The following NRG3 variants were observed in gnomAD, a reference collection of about 807,000 sequenced individuals.
NRG3 encodes pro-neuregulin-3, membrane-bound isoform.
In NRG3, 31 loss-of-function variants were observed where a neutral mutation model predicts 66.9. The observed-to-expected ratio is 0.46, with a 90% CI of 0.35 to 0.63. NRG3 has a LOEUF of 0.63. Among genes scored for constraint, NRG3 ranks in the 20% least tolerant of loss-of-function variants. The probability of loss-of-function intolerance (pLI) is 0.00; values close to 1 mark genes in which losing one functional copy is unlikely to be tolerated. For synonymous variants in NRG3, 393 were observed against 359.4 expected, an observed-to-expected ratio of 1.09 and a Z score of -1.06; for missense variants, 910 against 878.9, an observed-to-expected ratio of 1.04 and a Z score of -0.45.
At chr10:82,948,673 C>A (rs1849248909) in intron 4 of NRG3, among the ~76,000 whole-genome samples, 1 of 151,964 alleles carries the variant, frequency 6.6e-6, no homozygotes. Context: ...TGCTTTGATG[C>A]TATTGTAAAT....
intron 2 of NRG3, among the ~76,000 whole-genome samples, chr10:82,393,483 A>G (rs1564872660): frequency 2.0e-5 from 3 of 152,212 alleles, no homozygotes; most frequent in Non-Finnish European, 4.4e-5. Context: ...TGGAAAGAGA[A>G]CAACAGAAGT....
intron 1 of NRG3, among the ~76,000 whole-genome samples, chr10:82,186,277 G>A (rs1791544291): frequency 6.6e-6 from 1 of 152,078 alleles, no homozygotes; most frequent in Non-Finnish European, 1.5e-5. Context: ...AGGAATCCAG[G>A]GGAAATCATA....
intron 2 of NRG3, among the ~76,000 whole-genome samples, chr10:82,546,795 G>A (rs554555705): frequency 6.6e-6 from 1 of 152,210 alleles, no homozygotes; most frequent in South Asian, 2.1e-4. Context: ...CATAAATGCA[G>A]GGCAAATCAA....
chr10:82,009,867 G>A (rs951478333), intron 1 of NRG3, among the ~76,000 whole-genome samples: 1 of 152,196 alleles, frequency 6.6e-6, no homozygotes, highest in Admixed American at 6.5e-5. Flanking sequence ...GAGGGCCAGA[G>A]ACACAGCGCA....
At position 82,378,597 on chromosome 10, in the gene NRG3, G is replaced by A. The variant is rs2085413514; in HGVS notation, c.953+19729G>A. On this transcript the variant is annotated intron_variant, in intron 2 of 8. Transcript: ENST00000372141. ...TTTTCTTTTCTTTCTTTTTGACAGAGTTTTGCTCTGTTGCCCAGGCTGGAG... is the reference window on the plus strand; with the variant it reads ...TTTTCTTTTCTTTCTTTTTGACAGAATTTTGCTCTGTTGCCCAGGCTGGAG... Among the ~76,000 whole-genome samples the A allele has an allele frequency of 2.6e-5, 4 of 150,948 alleles. No homozygotes were observed. The East Asian group carries it at 7.8e-4, about 29-fold the overall frequency.
chr10:82,537,362 A>G (rs1438974875), intron 2 of NRG3, among the ~76,000 whole-genome samples: 1 of 152,154 alleles, frequency 6.6e-6, no homozygotes, highest in Non-Finnish European at 1.5e-5. Flanking sequence ...AGCAAGTATG[A>G]TCAAGTATTA....
At chr10:82,512,712 A>AT (rs1286946913) in intron 2 of NRG3, among the ~76,000 whole-genome samples, 2 of 152,158 alleles carry the variant, frequency 1.3e-5, no homozygotes, top group South Asian at 2.1e-4. Context: ...TTTTCGGTAG[A>AT]TTTTTTTCCT....
At chr10:81,990,577 G>A (rs2060700508) in intron 1 of NRG3, among the ~76,000 whole-genome samples, 1 of 152,170 alleles carries the variant, frequency 6.6e-6, no homozygotes, top group African/African-American at 2.4e-5. Context: ...GGATAATTAA[G>A]TAAGATAAGT....
intron 4 of NRG3, among the ~76,000 whole-genome samples, chr10:82,893,383 G>T (rs1471633978): frequency 6.6e-6 from 1 of 152,070 alleles, no homozygotes; most frequent in African/African-American, 2.4e-5. Context: ...TGGAAATTAG[G>T]ATATATTTAG....
chr10:82,310,854 T>C (rs902258727), intron 1 of NRG3, among the ~76,000 whole-genome samples: 4 of 152,212 alleles, frequency 2.6e-5, no homozygotes, highest in African/African-American at 9.6e-5. Flanking sequence ...ACTTGTAAGA[T>C]GTCATATGTA....
At chr10:82,982,923 A>T (rs942832055) in intron 8 of NRG3, among the ~76,000 whole-genome samples, 14 of 152,152 alleles carry the variant, frequency 9.2e-5, no homozygotes, top group African/African-American at 3.4e-4. Context: ...CCTCTTTCTC[A>T]TCTAAATCCT....
At chr10:82,050,752 G>A (rs74763345) in intron 1 of NRG3, among the ~76,000 whole-genome samples, 5,338 of 124,654 alleles carry the variant, frequency 0.043, 179 homozygotes, top group East Asian at 0.16. Context: ...ATAATGTCTC[G>A]TTTCCTCCTC....
chr10:82,106,106 G>C (rs1443826211), intron 1 of NRG3, among the ~76,000 whole-genome samples: 1 of 152,192 alleles, frequency 6.6e-6, no homozygotes, highest in Non-Finnish European at 1.5e-5. Flanking sequence ...TGAGTCCAAG[G>C]CTGACATAGA....
chr10:82,581,539 G>C (rs1359677910), intron 2 of NRG3, among the ~76,000 whole-genome samples: 2 of 152,004 alleles, frequency 1.3e-5, no homozygotes. Context: ...GAGATAGAAA[G>C]TAGAATGATA....
At chr10:82,771,038 A>T (rs1409173558) in intron 3 of NRG3, among the ~76,000 whole-genome samples, 1 of 152,176 alleles carries the variant, frequency 6.6e-6, no homozygotes, top group Non-Finnish European at 1.5e-5. Context: ...TAATGATCCA[A>T]GGATTTATCT....
intron 1 of NRG3, among the ~76,000 whole-genome samples, chr10:82,226,028 A>T (rs1464225131): frequency 6.6e-6 from 1 of 152,084 alleles, no homozygotes; most frequent in Non-Finnish European, 1.5e-5. Context: ...CCATTTTAGT[A>T]TCTCCAAAAA....
At chr10:81,894,107 G>A (rs747916810) in intron 1 of NRG3, among the ~76,000 whole-genome samples, 7 of 152,132 alleles carry the variant, frequency 4.6e-5, no homozygotes, top group Non-Finnish European at 8.8e-5. Flanking sequence ...TTGGGAGACC[G>A]AGGCAGGCAG....
intron 2 of NRG3, among the ~76,000 whole-genome samples, chr10:82,662,093 C>T (rs918424842): frequency 1.3e-5 from 2 of 152,188 alleles, no homozygotes; most frequent in Non-Finnish European, 2.9e-5. Flanking sequence ...ATATTGATGT[C>T]ACGTTTGCTG....
chr10:82,245,431 C>T (rs1360285608), intron 1 of NRG3, among the ~76,000 whole-genome samples: 1 of 152,196 alleles, frequency 6.6e-6, no homozygotes, highest in East Asian at 1.9e-4. Flanking sequence ...AAGACCAATA[C>T]AGGTCCATGG....
Sources: allele counts gnomAD v4.1 joint callset (sites outside exome capture counted in the v4.1 genomes callset), GRCh38; gene constraint gnomAD v4.1.1; transcripts MANE v1.5; gene names NCBI Gene and HGNC (gene_info 2026-07-23, HGNC 2026-07-21).